The following ASTN2 variants were observed in gnomAD, a reference collection of about 807,000 sequenced individuals.
ASTN2 encodes astrotactin 2, also known as astrotactin-2.
In ASTN2, 54 loss-of-function variants were observed where a neutral mutation model predicts 139.8. The ratio of observed to expected loss-of-function variants is 0.39; its 90% confidence interval spans 0.31 to 0.48. ASTN2 has a LOEUF of 0.48. Ranked by LOEUF, ASTN2 falls within the 20% of genes least tolerant of loss-of-function variation. The probability of loss-of-function intolerance (pLI) is 0.95; values close to 1 mark genes in which losing one functional copy is unlikely to be tolerated. For missense variants in ASTN2, 1,565 were observed against 1,725.1 expected (o/e 0.91, Z 1.64); for synonymous variants, 756 against 719.5 (o/e 1.05, Z -0.81).
intron 2 of ASTN2, among the ~76,000 whole-genome samples, chr9:117,231,227 A>G (rs1564493559): frequency 6.6e-6 from 1 of 152,212 alleles, no homozygotes; most frequent in Non-Finnish European, 1.5e-5. Context: ...GATGAAAACC[A>G]TAGAAATTCT....
chr9:116,635,764 C>A (rs921329217), intron 17 of ASTN2, among the ~76,000 whole-genome samples: 32 of 152,116 alleles, frequency 2.1e-4, no homozygotes, highest in Non-Finnish European at 4.4e-5. Context: ...GCCCAAAAGC[C>A]CAAGCTCTTT....
At chr9:117,282,224 G>T (rs1834342687) in intron 2 of ASTN2, among the ~76,000 whole-genome samples, 1 of 152,126 alleles carries the variant, frequency 6.6e-6, no homozygotes, top group Admixed American at 6.5e-5. Flanking sequence ...ACCTAGTATA[G>T]AATAGTTTCT....
intron 1 of ASTN2, among the ~76,000 whole-genome samples, chr9:117,322,691 C>T (rs1026074678): frequency 6.6e-6 from 1 of 152,170 alleles, no homozygotes; most frequent in Non-Finnish European, 1.5e-5. Flanking sequence ...GCTGCTTCCT[C>T]CTTACCAGGC....
intron 16 of ASTN2, among the ~76,000 whole-genome samples, chr9:116,677,924 G>A (rs966576007): frequency 6.6e-6 from 1 of 152,130 alleles, no homozygotes; most frequent in African/African-American, 2.4e-5. Flanking sequence ...TACAAGTGCT[G>A]AAGCATCTGT....
At chr9:116,775,802 G>GGGAAGGAAGAAA (rs1405343951) in intron 13 of ASTN2, among the ~76,000 whole-genome samples, 4 of 144,998 alleles carry the variant, frequency 2.8e-5, no homozygotes, top group East Asian at 2.1e-4. Context: ...GGAAGGAGGA[G>GGGAAGGAAGAAA]GGAAGGAAGA....
intron 1 of ASTN2, among the ~76,000 whole-genome samples, chr9:117,337,874 C>T (rs1347653150): frequency 6.6e-6 from 1 of 152,120 alleles, no homozygotes; most frequent in Non-Finnish European, 1.5e-5. Flanking sequence ...TGACCTCGGG[C>T]AAGCCAATAG....
At chr9:117,058,458 T>G (rs1839132996) in intron 5 of ASTN2, among the ~76,000 whole-genome samples, 1 of 152,218 alleles carries the variant, frequency 6.6e-6, no homozygotes, top group East Asian at 1.9e-4. Flanking sequence ...CATATTTACA[T>G]CAAACCTATG....
At chr9:116,841,700 A>G (rs1234975567) in intron 11 of ASTN2, among the ~76,000 whole-genome samples, 1 of 152,120 alleles carries the variant, frequency 6.6e-6, no homozygotes, top group Non-Finnish European at 1.5e-5. Flanking sequence ...AGTTTCCACA[A>G]TTTATACATT....
At chr9:116,565,851 A>G (rs1162470282) in intron 19 of ASTN2, among the ~76,000 whole-genome samples, 1 of 152,112 alleles carries the variant, frequency 6.6e-6, no homozygotes, top group Non-Finnish European at 1.5e-5. Flanking sequence ...CTACTAATGG[A>G]TTATGACCTG....
chr9:117,313,997 C>T (rs1273140878), intron 1 of ASTN2, among the ~76,000 whole-genome samples: 1 of 152,114 alleles, frequency 6.6e-6, no homozygotes, highest in Non-Finnish European at 1.5e-5. Context: ...TTGTTTTGTG[C>T]AAAACAAAAG....
At chr9:117,353,725 C>A (rs529910287) in intron 1 of ASTN2, among the ~76,000 whole-genome samples, 1 of 152,112 alleles carries the variant, frequency 6.6e-6, no homozygotes, top group Non-Finnish European at 1.5e-5. Flanking sequence ...TTGCCCTAAT[C>A]GCGCCATCTG....
chr9:116,688,560 C>T (rs1315165057), intron 16 of ASTN2, among the ~76,000 whole-genome samples: 1 of 152,110 alleles, frequency 6.6e-6, no homozygotes, highest in African/African-American at 2.4e-5. Context: ...AGGGCAGAAT[C>T]TTCTTCATTT....
intron 19 of ASTN2, among the ~76,000 whole-genome samples, chr9:116,517,079 G>C (rs1587923558): frequency 6.6e-6 from 1 of 152,170 alleles, no homozygotes; most frequent in East Asian, 1.9e-4. Context: ...GGAGCTCTAT[G>C]GCCCTGCCTA....
intron 10 of ASTN2, among the ~76,000 whole-genome samples, chr9:116,919,407 T>C (rs1383300192): frequency 2.0e-5 from 3 of 152,158 alleles, no homozygotes; most frequent in Non-Finnish European, 4.4e-5. Context: ...TAATTTCCTC[T>C]TACATGTCTA....
At chr9:116,652,098 T>C (rs1350477346) in intron 16 of ASTN2, among the ~76,000 whole-genome samples, 3 of 151,818 alleles carry the variant, frequency 2.0e-5, no homozygotes, top group Non-Finnish European at 4.4e-5. Context: ...CTGAGGCAGG[T>C]GGACCACCTG....
chr9:117,063,195 G>A (rs1839342707), intron 5 of ASTN2, among the ~76,000 whole-genome samples: 1 of 152,124 alleles, frequency 6.6e-6, no homozygotes, highest in South Asian at 2.1e-4. Flanking sequence ...GCAATTCTTA[G>A]ACACAGTTTA....
At chr9:117,134,942 C>CT (rs1172131960) in intron 4 of ASTN2, among the ~76,000 whole-genome samples, 6 of 152,310 alleles carry the variant, frequency 3.9e-5, no homozygotes, top group African/African-American at 1.2e-4. Context: ...GGACATGGGA[C>CT]TGGCTCCCTG....
rs118096866 is a variant in ASTN2 at position 116,462,598 on chromosome 9, A to G, written c.3498-20045T>C. ...GTCTGAAATGAAAGTTCAATGCTTT[A>G]CTCTAAACTCACTGTTGACTCCCTG... On this transcript the variant is annotated intron_variant, in intron 20 of 22. Transcript: ENST00000313400. Among the ~76,000 whole-genome samples the G allele has an allele frequency of 1.0e-3, 155 of 152,278 alleles. 4 individuals carry two copies. The East Asian group carries it at 0.027, about 27-fold the overall frequency.
intron 1 of ASTN2, among the ~76,000 whole-genome samples, chr9:117,339,240 C>T (rs764419573): frequency 2.0e-5 from 3 of 152,192 alleles, no homozygotes; most frequent in African/African-American, 7.2e-5. Context: ...TTCCAGGTTA[C>T]ACAACTATCA....
Sources: gnomAD v4.1 joint callset for allele counts (sites outside exome capture counted in the v4.1 genomes callset) on GRCh38, gnomAD v4.1.1 for gene constraint, MANE v1.5 for transcripts, NCBI Gene and HGNC (gene_info 2026-07-23, HGNC 2026-07-21) for gene names.